Variants in UGGT1 observed in about 807,000 individuals in gnomAD.
The protein encoded by UGGT1 is UDP-glucose:glycoprotein glucosyltransferase 1.
Under a neutral mutation model 203.9 loss-of-function variants are expected in UGGT1, and 107 were observed. The observed-to-expected ratio is 0.52, with a 90% CI of 0.45 to 0.62. UGGT1 has a LOEUF of 0.62. UGGT1 is among the 20% of genes least tolerant of loss of function. UGGT1 has a pLI of 0.00. For missense variants in UGGT1, 1,673 were observed against 1,867.2 expected (o/e 0.90, Z 1.92); for synonymous variants, 628 against 653.5 (o/e 0.96, Z 0.59).
At chr2:128,121,358 G>T (rs1038930887) in intron 10 of UGGT1, 60 bp downstream of exon 10, 11 of 1,178,032 alleles carry the variant, frequency 9.3e-6, no homozygotes, top group African/African-American at 1.6e-5. Context: ...ATGTTCACTT[G>T]CCAAATGAGG....
rs568813380 is a variant in UGGT1, at chr2:128,126,099, G to T, written c.1135-1262G>T. ...TGGGACTACAGGCGCGTGCCACCACGCCCAGCTAATTTTTTTATATTTTTA... is the reference window on the plus strand; with the variant it reads ...TGGGACTACAGGCGCGTGCCACCACTCCCAGCTAATTTTTTTATATTTTTA... On this transcript the variant is annotated intron_variant, in intron 11 of 40. Transcript: ENST00000259253. Among the ~76,000 whole-genome samples, 21 of 151,776 alleles carry T rather than the reference G, an allele frequency of 1.4e-4. No homozygotes were observed. The South Asian group carries it at 4.4e-3, about 32-fold the overall frequency.
At chr2:128,123,315 A>AT in intron 11 of UGGT1, 69 bp downstream of exon 11, 2 of 1,322,100 alleles carry the variant, frequency 1.5e-6, no homozygotes, top group Non-Finnish European at 2.1e-6. Context: ...TCTGAGTTTA[A>AT]TCAGCAGCAT....
At position 128,157,323 on chromosome 2, in the gene UGGT1, C is replaced by T. The variant is rs772355026; in HGVS notation, c.2332C>T (p.Leu778=). The T allele has an allele frequency of 1.4e-5, 22 of 1,614,042 alleles. No individual in the cohort carries two copies. In the East Asian group the frequency reaches 4.9e-4, roughly 36 times the overall value. Residue 778 remains leucine (L), a synonymous_variant, in exon 22 of 41, where the codon CTG becomes TTG. Coordinates refer to ENST00000259253, the MANE Select transcript of UGGT1 (RefSeq NM_020120.4). ...TGATAGCCCTTCTGGACGGCAGTTA[C>T]TGTATGATGCCATCAAACATCAGGC... The part of the protein sequence containing the change: ...DFDSPSGRQL[L]YDAIKHQKSS...
At chr2:128,139,364 G>A (rs921517972) in intron 16 of UGGT1, among the ~76,000 whole-genome samples, 1 of 152,136 alleles carries the variant, frequency 6.6e-6, no homozygotes, top group South Asian at 2.1e-4. Flanking sequence ...GATTACGGCC[G>A]TGCACCACCA....
In UGGT1 at chr2:128,121,418, T is replaced by C. The variant is rs184363127; in HGVS notation, c.1073+120T>C. The C allele has an allele frequency of 1.4e-3, 981 of 691,156 alleles. 11 individuals are homozygous for C. The highest frequency in any genetic ancestry group is 0.014 in the African/African-American group (752 of 53,180). The allele number at this position is 691,156 out of a possible 1,614,324, so 42.8% of individuals were successfully genotyped here. On this transcript the variant is annotated intron_variant, in intron 10 of 40. Coordinates refer to ENST00000259253, the MANE Select transcript of UGGT1 (RefSeq NM_020120.4). ...AAAATTAAGATTCTTTTTTTTTTTT[T>C]TTTTGAGATGGAGTCTCACTCTTGT...
chr2:128,103,779 A>G (rs904833162), intron 2 of UGGT1, among the ~76,000 whole-genome samples, 153 bp from the exon 3 acceptor site: 1 of 151,236 alleles, frequency 6.6e-6, no homozygotes, highest in African/African-American at 2.4e-5. Flanking sequence ...TTAAAAATAT[A>G]TATATTATAC....
Position 128,189,802 on chromosome 2 carries a change from G to T in UGGT1, c.*60G>T. On this transcript the variant is annotated 3_prime_UTR_variant, in exon 41 of 41. Coordinates refer to ENST00000259253, the MANE Select transcript of UGGT1 (RefSeq NM_020120.4). ...AAAACAGTTTTTATAATAAATGCTA[G>T]TTTTTTCTGATCTGTCTATACAACT... 6.3e-7 allele frequency: 1 copy of T among 1,591,420 alleles called. No homozygotes were observed. Among genetic ancestry groups the T allele is most frequent in the Non-Finnish European group, 8.6e-7 (1 of 1,163,482 alleles).
intron 4 of UGGT1, among the ~76,000 whole-genome samples, chr2:128,109,129 A>G (rs2105358888): frequency 6.6e-6 from 1 of 152,174 alleles, no homozygotes; most frequent in Middle Eastern, 3.4e-3. Flanking sequence ...TGACCACAGG[A>G]GATCTGCCTG....
Position 128,182,305 on chromosome 2 carries a change from C to A in UGGT1, c.4244+15C>A. The A allele has an allele frequency of 1.3e-6, 2 of 1,595,318 alleles. No individual in the cohort carries two copies. The highest frequency in any genetic ancestry group is 1.7e-6 in the Non-Finnish European group (2 of 1,172,108). The stretch of plus-strand genomic sequence containing the variant: ...TATCATATCAGGTACTGAAAAGAAG[C>A]ACTCCTAACACTGTTACGGGGTTTT... On this transcript the variant is annotated intron_variant, in intron 37 of 40. Transcript: ENST00000259253.
At chr2:128,097,327 A>G in intron 1 of UGGT1, 102 bp from the exon 2 acceptor site, 1 of 1,369,466 alleles carries the variant, frequency 7.3e-7, no homozygotes. Flanking sequence ...ATGAGCCGAG[A>G]TTGCACCACT....
At position 128,161,146 on chromosome 2, in the gene UGGT1, G is replaced by C. The variant is rs1690508744; in HGVS notation, c.2703G>C (p.Gly901=). The change falls in exon 25 of 41, where the codon GGG becomes GGC. Residue 901 remains glycine, a synonymous_variant. Transcript: ENST00000259253. ...RAVISNGRII[G]PLEDSELFNQ... ...TCTTCTCTCCTTCACAGATCATTGG[G>C]CCACTGGAGGATAGTGAGCTCTTTA... 6.2e-7 allele frequency: 1 copy of C among 1,613,818 alleles called. No individual in the cohort carries two copies. The highest frequency in any genetic ancestry group is 8.5e-7 in the Non-Finnish European group (1 of 1,179,908).
chr2:128,167,759 C>T (rs759022206), intron 26 of UGGT1, among the ~76,000 whole-genome samples: 1 of 152,136 alleles, frequency 6.6e-6, no homozygotes. Flanking sequence ...CATATTGTTC[C>T]CATTTCCACA....
At chr2:128,128,833 G>A (rs949542389) in intron 12 of UGGT1, among the ~76,000 whole-genome samples, 196 bp from the exon 13 acceptor site, 3 of 152,154 alleles carry the variant, frequency 2.0e-5, no homozygotes, top group Non-Finnish European at 1.5e-5. Context: ...TTAATGTACT[G>A]TTTTTAAAAT....
At position 128,162,140 on chromosome 2, in the gene UGGT1, C is replaced by T. The variant is rs550497149; in HGVS notation, c.2825+872C>T. Among the ~76,000 whole-genome samples, 4 of 151,756 alleles carry T rather than the reference C, an allele frequency of 2.6e-5. No homozygotes were observed. The East Asian group carries it at 7.7e-4, about 29-fold the overall frequency. ...CCTAATGATTGGTGATGTTGAGCAT[C>T]TTGTCATGTGCAGATTGGCCATTTA... On this transcript the variant is annotated intron_variant, in intron 25 of 40. Coordinates refer to ENST00000259253, the MANE Select transcript of UGGT1 (RefSeq NM_020120.4).
Position 128,098,365 on chromosome 2 carries a change from G to A in UGGT1, c.194+801G>A, listed in dbSNP as rs148564211. Reference sequence around the variant, plus strand: ...GTGGATCACCTGAGGTCAGGAGTTCGAGACCAGCCTGGCAACAATTAGCTG... The same window carrying A: ...GTGGATCACCTGAGGTCAGGAGTTCAAGACCAGCCTGGCAACAATTAGCTG... On this transcript the variant is annotated intron_variant, in intron 2 of 40. Transcript: ENST00000259253. Among the ~76,000 whole-genome samples the A allele has an allele frequency of 2.2e-3, 334 of 152,348 alleles. 3 individuals are homozygous for A. Among genetic ancestry groups the A allele is most frequent in the African/African-American group, 7.5e-3 (310 of 41,592 alleles).
Position 128,134,856 on chromosome 2 carries a change from C to A in UGGT1, c.1498-20C>A, listed in dbSNP as rs1446158023. ...TTGAATAAATGTCATTTCATGTGTT[C>A]TTTTCCCTTTCTTCAACAGGTTTTC... On this transcript the variant is annotated intron_variant, in intron 14 of 40. Coordinates refer to ENST00000259253, the MANE Select transcript of UGGT1 (RefSeq NM_020120.4). 6.2e-7 allele frequency: 1 copy of A among 1,606,622 alleles called. No individual in the cohort carries two copies. The highest frequency in any genetic ancestry group is 1.7e-5 in the Admixed American group (1 of 59,984).
At chr2:128,138,876 A>C in intron 16 of UGGT1, 24 bp downstream of exon 16, 1 of 1,612,180 alleles carries the variant, frequency 6.2e-7, no homozygotes, top group South Asian at 1.1e-5. Context: ...CAGAATGGCA[A>C]ATAATTTTTT....
At chr2:128,138,104 A>C (rs571079936) in intron 15 of UGGT1, among the ~76,000 whole-genome samples, 11 of 152,332 alleles carry the variant, frequency 7.2e-5, no homozygotes, top group African/African-American at 2.6e-4. Flanking sequence ...AGAAAAAAAA[A>C]ATCTCTTAAA....
At chr2:128,123,358 G>A in intron 11 of UGGT1, 112 bp downstream of exon 11, 1 of 928,094 alleles carries the variant, frequency 1.1e-6, no homozygotes, top group South Asian at 1.8e-5. Context: ...ATCTAAGATG[G>A]TGATTTTTTC....
Sources: allele counts gnomAD v4.1 joint callset (sites outside exome capture counted in the v4.1 genomes callset), GRCh38; gene constraint gnomAD v4.1.1; transcripts MANE v1.5; gene names NCBI Gene and HGNC (gene_info 2026-07-23, HGNC 2026-07-21).